ANO4: variants seen among roughly 807,000 people sequenced by gnomAD.
ANO4 encodes the protein anoctamin-4.
In ANO4, 69 loss-of-function variants were observed where a neutral mutation model predicts 141.9. The observed-to-expected ratio is 0.49, with a 90% CI of 0.40 to 0.59. The LOEUF (loss-of-function observed/expected upper bound fraction) is 0.59, where lower values mean the gene tolerates loss of function less well. Among genes scored for constraint, ANO4 ranks in the 20% least tolerant of loss-of-function variants. The probability of loss-of-function intolerance (pLI) is 0.00; values close to 1 mark genes in which losing one functional copy is unlikely to be tolerated. For missense variants in ANO4, 894 were observed against 1,162.2 expected, an observed-to-expected ratio of 0.77 and a Z score of 3.36; for synonymous variants, 350 against 394.3, an observed-to-expected ratio of 0.89 and a Z score of 1.33.
chr12:100,914,090 A>G (rs975366275), intron 2 of ANO4, among the ~76,000 whole-genome samples: 1 of 152,160 alleles, frequency 6.6e-6, no homozygotes, highest in Non-Finnish European at 1.5e-5. Flanking sequence ...AATTCTGCCT[A>G]TGTGATTCAC....
intron 1 of ANO4, among the ~76,000 whole-genome samples, chr12:100,852,083 C>T (rs886198444): frequency 6.6e-6 from 1 of 152,194 alleles, no homozygotes; most frequent in East Asian, 1.9e-4. Flanking sequence ...GGGGAGTGAC[C>T]TGACATGACT....
intron 1 of ANO4, among the ~76,000 whole-genome samples, chr12:100,873,613 C>T (rs1452940560): frequency 6.6e-6 from 1 of 152,158 alleles, no homozygotes; most frequent in Non-Finnish European, 1.5e-5. Flanking sequence ...GTGGCTGCTT[C>T]TAGCAGCCCA....
intron 17 of ANO4, among the ~76,000 whole-genome samples, chr12:101,088,065 G>T (rs1236511345): frequency 6.6e-6 from 1 of 151,268 alleles, no homozygotes; most frequent in East Asian, 2.0e-4. Flanking sequence ...CTCTCTCACA[G>T]TAAAAGCCTG....
chr12:100,985,305 G>A (rs955570976), intron 7 of ANO4, among the ~76,000 whole-genome samples: 3 of 152,172 alleles, frequency 2.0e-5, no homozygotes, highest in African/African-American at 7.2e-5. Flanking sequence ...ATGTTAAGCG[G>A]CAAGCTGGTT....
chr12:101,071,581 G>A (rs973364861), intron 14 of ANO4, among the ~76,000 whole-genome samples: 1 of 151,836 alleles, frequency 6.6e-6, no homozygotes, highest in Non-Finnish European at 1.5e-5. Flanking sequence ...GAGGGGGGAT[G>A]GTTAATGAGT....
At chr12:100,990,296 C>T (rs1388632932) in intron 8 of ANO4, among the ~76,000 whole-genome samples, 1 of 152,130 alleles carries the variant, frequency 6.6e-6, no homozygotes, top group Non-Finnish European at 1.5e-5. Context: ...TTTCCCACCT[C>T]CTCTTTTCAT....
chr12:100,962,765 C>G (rs1414129161), intron 5 of ANO4, among the ~76,000 whole-genome samples: 1 of 152,186 alleles, frequency 6.6e-6, no homozygotes, highest in Non-Finnish European at 1.5e-5. Context: ...GAGAATCTCT[C>G]TGACCTCTAG....
intron 16 of ANO4, among the ~76,000 whole-genome samples, chr12:101,084,173 T>C (rs1465989258): frequency 6.6e-6 from 1 of 152,222 alleles, no homozygotes; most frequent in Non-Finnish European, 1.5e-5. Flanking sequence ...CTTTTCACCA[T>C]GCCCATACAG....
chr12:101,053,669 T>C (rs1382810067), intron 14 of ANO4, among the ~76,000 whole-genome samples: 3 of 152,206 alleles, frequency 2.0e-5, no homozygotes, highest in Non-Finnish European at 2.9e-5. Context: ...GGTGGTCATA[T>C]TGGATTAAGG....
chr12:100,986,095 C>T (rs761540771), intron 7 of ANO4, among the ~76,000 whole-genome samples: 3 of 152,146 alleles, frequency 2.0e-5, no homozygotes, highest in Non-Finnish European at 4.4e-5. Flanking sequence ...AGTGAATTTG[C>T]TGCTGCTTGA....
At chr12:100,948,055 G>C (rs1006395925) in intron 5 of ANO4, among the ~76,000 whole-genome samples, 2 of 151,266 alleles carry the variant, frequency 1.3e-5, no homozygotes, top group African/African-American at 2.4e-5. Context: ...TTAGCCGGCT[G>C]TGGTGGCGGA....
intron 1 of ANO4, among the ~76,000 whole-genome samples, chr12:100,838,757 T>G (rs1012720071): frequency 2.6e-5 from 4 of 152,198 alleles, no homozygotes; most frequent in Non-Finnish European, 4.4e-5. Context: ...ATGCTTGAAC[T>G]AGGAATTAAT....
At chr12:100,758,725 C>T (rs192287405) in intron 3 of ANO4, among the ~76,000 whole-genome samples, 1 of 152,150 alleles carries the variant, frequency 6.6e-6, no homozygotes, top group African/African-American at 2.4e-5. Context: ...AAATCTATTC[C>T]TTCACAGTTC....
intron 8 of ANO4, among the ~76,000 whole-genome samples, chr12:101,016,824 T>C (rs926652202): frequency 2.0e-5 from 3 of 152,204 alleles, no homozygotes; most frequent in African/African-American, 7.2e-5. Flanking sequence ...TCATCTCACT[T>C]AATTGTACAA....
chr12:100,829,550 C>T (rs1309751360), intron 1 of ANO4, among the ~76,000 whole-genome samples: 3 of 151,964 alleles, frequency 2.0e-5, no homozygotes, highest in Admixed American at 2.0e-4. Flanking sequence ...GTATGTAAAT[C>T]ACTAGTAGGA....
At chr12:100,759,279 G>T (rs932023756) in intron 3 of ANO4, among the ~76,000 whole-genome samples, 1 of 152,118 alleles carries the variant, frequency 6.6e-6, no homozygotes, top group African/African-American at 2.4e-5. Context: ...CTTTCCTTTC[G>T]TGTATTTATT....
chr12:101,007,763 G>A (rs959669625), intron 8 of ANO4, among the ~76,000 whole-genome samples: 6 of 152,152 alleles, frequency 3.9e-5, no homozygotes, highest in South Asian at 2.1e-4. Flanking sequence ...TCTGTCACAC[G>A]GGCTGGAGCA....
intron 1 of ANO4, among the ~76,000 whole-genome samples, chr12:100,884,074 A>G (rs2039701073): frequency 6.6e-6 from 1 of 152,232 alleles, no homozygotes; most frequent in Non-Finnish European, 1.5e-5. Context: ...TCTATGAATT[A>G]ATCATTGTAG....
intron 15 of ANO4, among the ~76,000 whole-genome samples, chr12:101,081,440 C>T (rs1460090020): frequency 1.3e-5 from 2 of 152,152 alleles, no homozygotes; most frequent in Non-Finnish European, 2.9e-5. Flanking sequence ...TCTGTCTTCC[C>T]AGCCCCTGAT....
Sources: allele counts gnomAD v4.1 joint callset (sites outside exome capture counted in the v4.1 genomes callset), GRCh38; gene constraint gnomAD v4.1.1; transcripts MANE v1.5; gene names NCBI Gene and HGNC (gene_info 2026-07-23, HGNC 2026-07-21).